Variants in ZNF215 observed in about 807,000 individuals in gnomAD.
ZNF215 encodes zinc finger protein 215.
ZNF215 carries 24 observed loss-of-function variants against 27.2 expected under a neutral mutation model. The ratio of observed to expected loss-of-function variants is 0.88; its 90% CI spans 0.64 to 1.24. The LOEUF is 1.24. Ranked by LOEUF, ZNF215 falls within the 50% of genes most tolerant of loss-of-function variation. The pLI, the probability that ZNF215 is intolerant of heterozygous loss-of-function variation, is 0.00. For missense variants in ZNF215, 675 were observed against 605.7 expected (o/e 1.11, Z -1.20); for synonymous variants, 210 against 204.0 (o/e 1.03, Z -0.25).
At chr11:6,974,099 A>G (rs1447173247) in intron 5 of ZNF215, among the ~76,000 whole-genome samples, 1 of 152,120 alleles carries the variant, frequency 6.6e-6, no homozygotes, top group Non-Finnish European at 1.5e-5. Flanking sequence ...ATCCAGTTTC[A>G]GCTTTCTACA....
rs1165451314 is a variant in ZNF215 at position 6,957,201 on chromosome 11, G to A, written c.*670G>A. 2.0e-6 allele frequency: 2 copies of A among 984,278 alleles called. No individual in the cohort carries two copies. Among genetic ancestry groups the A allele is most frequent in the East Asian group, 1.1e-4 (1 of 8,832 alleles). 61.0% of individuals were successfully genotyped at this position (984,278 alleles called of 1,614,324 possible). A position where few individuals can be genotyped will look rare whatever the true frequency, so the allele number is the denominator to read the frequency against. On this transcript the variant is annotated 3_prime_UTR_variant, in exon 7 of 7. Transcript: ENST00000278319. The stretch of plus-strand genomic sequence containing the variant: ...TAGCAGGTCCTTGAAAAATGTTTTT[G>A]TTTTGTTATAATGTTATAATTGTTA...
intron 5 of ZNF215, among the ~76,000 whole-genome samples, chr11:6,979,150 A>T (rs1217458014): frequency 6.6e-6 from 1 of 152,036 alleles, no homozygotes; most frequent in African/African-American, 2.4e-5. Flanking sequence ...CCAATTACCA[A>T]TTTATTGTCT....
intron 3 of ZNF215, among the ~76,000 whole-genome samples, chr11:6,936,415 C>A (rs964639058): frequency 1.3e-5 from 2 of 151,988 alleles, no homozygotes; most frequent in African/African-American, 4.8e-5. Flanking sequence ...ATTCCAAAAA[C>A]ACAAATGACC....
At chr11:6,989,629 T>C (rs1323445472), downstream of ZNF215, among the ~76,000 whole-genome samples, 1 of 152,188 alleles carries the variant, frequency 6.6e-6, no homozygotes, top group African/African-American at 2.4e-5. Flanking sequence ...CAGACTCCCA[T>C]GTTCCCTAGC....
Position 6,956,402 on chromosome 11 carries a change from C to T in ZNF215, c.1425C>T (p.Ser475=). 6.2e-7 allele frequency: 1 copy of T among 1,614,154 alleles called. No individual in the cohort carries two copies. Among genetic ancestry groups the T allele is most frequent in the South Asian group, 1.1e-5 (1 of 91,084 alleles). Reference sequence around the variant, plus strand: ...GTGGAAAATCCTTCAACCGGAGCTCCTCTCTTATTCGACACCAAATGATTC... The same window carrying T: ...GTGGAAAATCCTTCAACCGGAGCTCTTCTCTTATTCGACACCAAATGATTC... ...VNCGKSFNRS[S]SLIRHQMIHT... Residue 475 remains serine, a synonymous_variant, in exon 7 of 7, where the codon TCC becomes TCT. Coordinates refer to ENST00000278319, the MANE Select transcript of ZNF215 (RefSeq NM_013250.4).
Position 6,941,908 on chromosome 11 carries a change from A to T in ZNF215, c.483+255A>T, listed in dbSNP as rs139393744. Reference sequence around the variant, plus strand: ...CTATAGATGTAGAGCCTACTCAGAAAATGTTGAGAATTAAGCCTCAAGAGT... The same window carrying T: ...CTATAGATGTAGAGCCTACTCAGAATATGTTGAGAATTAAGCCTCAAGAGT... On this transcript the variant is annotated intron_variant, in intron 4 of 6. Transcript: ENST00000278319. Among the ~76,000 whole-genome samples the T allele has an allele frequency of 4.6e-5, 7 of 152,334 alleles. No homozygotes were observed. The East Asian group carries it at 1.4e-3, about 29-fold the overall frequency.
chr11:6,980,523 G>C (rs116324118), intron 5 of ZNF215, among the ~76,000 whole-genome samples: 1,805 of 152,038 alleles, frequency 0.012, 36 homozygotes, highest in African/African-American at 0.042. Context: ...AATAGTTGCA[G>C]TTTTCCTTTT....
chr11:6,988,899 C>T (rs940953455), downstream of ZNF215: 1 of 152,150 alleles, frequency 6.6e-6, no homozygotes, highest in African/African-American at 2.4e-5. Flanking sequence ...TGGCTCATGC[C>T]TGTAATCCCA....
chr11:6,958,448 G>T, downstream of ZNF215, among the ~76,000 whole-genome samples: 1 of 152,144 alleles, frequency 6.6e-6, no homozygotes, highest in Non-Finnish European at 1.5e-5. Context: ...TGTTCACTAA[G>T]TTTAACATAA....
chr11:6,931,869 A>G (rs908813601), intron 2 of ZNF215, among the ~76,000 whole-genome samples: 10 of 151,880 alleles, frequency 6.6e-5, no homozygotes, highest in African/African-American at 2.4e-4. Flanking sequence ...AAATCAAAGG[A>G]CTCTTCATCA....
At chr11:6,975,688 T>C (rs1025348181) in intron 5 of ZNF215, among the ~76,000 whole-genome samples, 1 of 152,116 alleles carries the variant, frequency 6.6e-6, no homozygotes, top group Non-Finnish European at 1.5e-5. Context: ...TCTCATTCTT[T>C]TTTATGGCTG....
chr11:6,973,036 CAT>C (rs1231040826), intron 5 of ZNF215, among the ~76,000 whole-genome samples: 1 of 152,020 alleles, frequency 6.6e-6, no homozygotes, highest in Non-Finnish European at 1.5e-5. Flanking sequence ...AAGTATATCT[CAT>C]AATGCTTTCC....
downstream of ZNF215, among the ~76,000 whole-genome samples, chr11:6,959,094 C>T (rs1850462720): frequency 6.6e-6 from 1 of 152,102 alleles, no homozygotes; most frequent in African/African-American, 2.4e-5. Flanking sequence ...TATTAATCAT[C>T]ACATATTTGA....
intron 6 of ZNF215, among the ~76,000 whole-genome samples, chr11:6,949,108 A>G (rs1268892078): frequency 3.3e-5 from 5 of 151,052 alleles, no homozygotes; most frequent in Admixed American, 3.3e-4. Flanking sequence ...ATAGTATTCC[A>G]TGGTGTATAT....
chr11:6,984,032 T>TTTGAGAGTA lies in ZNF215; in HGVS notation c.806-96_806-95insTGAGAGTAT, dbSNP rs1376655734. The TTTGAGAGTA allele has an allele frequency of 1.2e-5, 4 of 340,728 alleles. No homozygotes were observed. In the Admixed American group the frequency reaches 1.7e-4, roughly 14 times the overall value. The allele number at this position is 340,728 out of a possible 1,614,324, so 21.1% of individuals were successfully genotyped here. ...TCAGTATTGGTAAAGGATATAAAAATTAACATACTCTCAAACGCTATCTTT... is the reference window on the plus strand; with the variant it reads ...TCAGTATTGGTAAAGGATATAAAAATTTGAGAGTATAACATACTCTCAAACGCTATCTTT... On this transcript the variant is annotated intron_variant, in intron 5 of 5. Transcript: ENST00000529903.
chr11:6,958,003 G>T lies in ZNF215; in HGVS notation c.*1472G>T, dbSNP rs1850432854. 1.0e-6 allele frequency: 1 copy of T among 985,350 alleles called. No homozygotes were observed. The highest frequency in any genetic ancestry group is 4.7e-5 in the South Asian group (1 of 21,284). The allele number at this position is 985,350 out of a possible 1,614,324, so 61.0% of individuals were successfully genotyped here. A position where few individuals can be genotyped will look rare whatever the true frequency, so the allele number is the denominator to read the frequency against. Reference sequence around the variant, plus strand: ...TCATACCTTATTCAAAGGCAGAAAAGGTATACTGGAGTGAACTCCTATGAT... The same window carrying T: ...TCATACCTTATTCAAAGGCAGAAAATGTATACTGGAGTGAACTCCTATGAT... On this transcript the variant is annotated 3_prime_UTR_variant, in exon 7 of 7. Transcript: ENST00000278319.
chr11:6,949,470 G>A (rs1161701976), intron 6 of ZNF215, among the ~76,000 whole-genome samples: 1 of 152,090 alleles, frequency 6.6e-6, no homozygotes, highest in Non-Finnish European at 1.5e-5. Flanking sequence ...ATCTCATTGT[G>A]GTTTTGAGTT....
chr11:6,927,210 C>T (rs1388527), intron 1 of ZNF215, among the ~76,000 whole-genome samples: 24,400 of 152,102 alleles, frequency 0.16, 2,258 homozygotes, highest in Middle Eastern at 0.24. Flanking sequence ...CCTTGTTTTC[C>T]CAGTCATTCC....
At chr11:6,968,211 G>C (rs1410939028) in intron 5 of ZNF215, among the ~76,000 whole-genome samples, 1 of 152,152 alleles carries the variant, frequency 6.6e-6, no homozygotes, top group East Asian at 1.9e-4. Context: ...TTTGAAGTCA[G>C]GTAGCCTGAT....
Sources: allele counts gnomAD v4.1 joint callset (sites outside exome capture counted in the v4.1 genomes callset), GRCh38; gene constraint gnomAD v4.1.1; transcripts MANE v1.5; gene names NCBI Gene and HGNC (gene_info 2026-07-23, HGNC 2026-07-21).